DTD1: variants seen among roughly 807,000 people sequenced by gnomAD.
DTD1 encodes the protein D-aminoacyl-tRNA deacylase 1, also known as D-tyrosyl-tRNA deacylase 1 homolog.
A neutral mutation model predicts 25.6 loss-of-function variants in DTD1; 13 were observed. The observed-to-expected ratio is 0.51, with a 90% CI of 0.33 to 0.81. The LOEUF (loss-of-function observed/expected upper bound fraction) is 0.81. Ranked by LOEUF, DTD1 falls within the 30% of genes least tolerant of loss-of-function variation. The probability of loss-of-function intolerance (pLI) is 0.02; values close to 1 mark genes in which losing one functional copy is unlikely to be tolerated. For missense variants in DTD1, 193 were observed against 266.4 expected (o/e 0.72, Z 1.92); for synonymous variants, 110 against 103.6 (o/e 1.06, Z -0.37).
intron 3 of DTD1, among the ~76,000 whole-genome samples, chr20:18,606,862 G>A (rs1055125511): frequency 2.1e-4 from 31 of 149,428 alleles, no homozygotes; most frequent in Admixed American, 4.0e-4. Flanking sequence ...CACCAGCATG[G>A]CACATGTATA....
At chr20:18,755,848 T>G (rs1002680510) in intron 5 of DTD1, among the ~76,000 whole-genome samples, 1 of 152,130 alleles carries the variant, frequency 6.6e-6, no homozygotes, top group African/African-American at 2.4e-5. Context: ...ATCGCCACAC[T>G]GACTTCCACA....
intron 4 of DTD1, among the ~76,000 whole-genome samples, chr20:18,719,569 G>A (rs1254614454): frequency 2.6e-5 from 4 of 152,186 alleles, no homozygotes; most frequent in Non-Finnish European, 4.4e-5. Context: ...CGTTGTTTGT[G>A]GTTACCAGTG....
intron 4 of DTD1, among the ~76,000 whole-genome samples, chr20:18,671,551 G>C (rs1393857079): frequency 6.6e-6 from 1 of 152,148 alleles, no homozygotes; most frequent in Non-Finnish European, 1.5e-5. Context: ...GCTATTTATT[G>C]CATAAAGCAT....
At chr20:18,666,653 G>A (rs1415617163) in intron 4 of DTD1, among the ~76,000 whole-genome samples, 1 of 152,064 alleles carries the variant, frequency 6.6e-6, no homozygotes, top group Non-Finnish European at 1.5e-5. Flanking sequence ...TTGATTTTGA[G>A]TTTGATTTCA....
At chr20:18,629,166 T>A (rs2060772508) in intron 4 of DTD1, among the ~76,000 whole-genome samples, 1 of 151,698 alleles carries the variant, frequency 6.6e-6, no homozygotes, top group Admixed American at 6.6e-5. Context: ...CCTGCTAATT[T>A]TGTATTTTTA....
intron 5 of DTD1, among the ~76,000 whole-genome samples, chr20:18,758,207 CT>C (rs2061347233): frequency 6.6e-6 from 1 of 152,040 alleles, no homozygotes; most frequent in African/African-American, 2.4e-5. Flanking sequence ...TTTTGTTGAT[CT>C]TTTCAAAAAA....
chr20:18,588,940 T>G, intron 1 of DTD1: 1 of 892,432 alleles, frequency 1.1e-6, no homozygotes, highest in Non-Finnish European at 1.3e-6. Context: ...TTGTCTTTAG[T>G]CTTTTCTGTC....
intron 5 of DTD1, among the ~76,000 whole-genome samples, chr20:18,761,772 T>C (rs2061363998): frequency 6.6e-6 from 1 of 152,218 alleles, no homozygotes; most frequent in South Asian, 2.1e-4. Flanking sequence ...ATTTCAGTTA[T>C]TGGTATTGAA....
chr20:18,642,825 C>G (rs898943034), intron 4 of DTD1: 1 of 161,590 alleles, frequency 6.2e-6, no homozygotes, highest in African/African-American at 2.4e-5. Context: ...AACAGGTTCC[C>G]TTTTTCTCTG....
intron 5 of DTD1, among the ~76,000 whole-genome samples, chr20:18,758,867 G>T (rs2061349778): frequency 6.6e-6 from 1 of 152,080 alleles, no homozygotes; most frequent in Non-Finnish European, 1.5e-5. Flanking sequence ...GTTGACAGTG[G>T]GGTGTTAAAG....
At chr20:18,759,072 G>A (rs927632561) in intron 5 of DTD1, among the ~76,000 whole-genome samples, 2 of 151,624 alleles carry the variant, frequency 1.3e-5, no homozygotes, top group Admixed American at 1.3e-4. Context: ...GCCTTTTTTT[G>A]TTTTTTCATT....
intron 3 of DTD1, among the ~76,000 whole-genome samples, chr20:18,618,350 G>GT (rs1175379955): frequency 6.6e-6 from 1 of 150,602 alleles, no homozygotes; most frequent in Admixed American, 6.6e-5. Flanking sequence ...TTTTGTTTTT[G>GT]TTTTTTTGTT....
chr20:18,588,853 T>G, intron 1 of DTD1: 1 of 985,414 alleles, frequency 1.0e-6, no homozygotes, highest in African/African-American at 1.7e-5. Context: ...ATGATTAGTG[T>G]AGATAAAGTA....
chr20:18,694,616 G>A (rs1441501856), intron 4 of DTD1, among the ~76,000 whole-genome samples: 1 of 152,150 alleles, frequency 6.6e-6, no homozygotes, highest in Non-Finnish European at 1.5e-5. Flanking sequence ...GGCCTTTACT[G>A]GGAAAGGGAA....
chr20:18,596,041 A>G lies in DTD1; in HGVS notation c.170A>G (p.Asp57Gly). 6.2e-7 allele frequency: 1 copy of G among 1,613,812 alleles called. No homozygotes were observed. ...ATTCTAAACCTGCGTGTATTTGAGG[A>G]TGAGAGTGGGAAGCACTGGTCGAAG... The part of the protein sequence containing the change: ...RKILNLRVFE[D>G]ESGKHWSKSV... The change falls in exon 3 of 6, where the codon GAT (aspartate) becomes GGT (glycine). Residue 57 changes from aspartate to glycine, a missense_variant. Asp to Gly is a moderately conservative substitution (Grantham distance 94). Coordinates refer to ENST00000377452, the MANE Select transcript of DTD1 (RefSeq NM_080820.6).
At chr20:18,626,579 TGTGA>T (rs2060759331) in intron 3 of DTD1, among the ~76,000 whole-genome samples, 2 of 152,318 alleles carry the variant, frequency 1.3e-5, no homozygotes, top group African/African-American at 4.8e-5. Context: ...TATGCTTTTG[TGTGA>T]GTGTGTGTTT....
intron 4 of DTD1, among the ~76,000 whole-genome samples, chr20:18,693,571 C>T (rs1653473710): frequency 6.6e-6 from 1 of 151,434 alleles, no homozygotes; most frequent in South Asian, 2.1e-4. Flanking sequence ...ACATGAGAAT[C>T]GCTTGAACCC....
chr20:18,757,652 G>GTGCTGCT, intron 5 of DTD1, among the ~76,000 whole-genome samples: 1 of 152,306 alleles, frequency 6.6e-6, no homozygotes, highest in East Asian at 1.9e-4. Flanking sequence ...AGTTTTTGAT[G>GTGCTGCT]TGCTGCTGGA....
chr20:18,681,265 A>T (rs1232395865), intron 4 of DTD1, among the ~76,000 whole-genome samples: 1 of 152,190 alleles, frequency 6.6e-6, no homozygotes, highest in Non-Finnish European at 1.5e-5. Flanking sequence ...CTGTCTGTCC[A>T]TTTGGGACAC....
Sources: gnomAD v4.1 joint callset for allele counts (sites outside exome capture counted in the v4.1 genomes callset) on GRCh38, gnomAD v4.1.1 for gene constraint, MANE v1.5 for transcripts, NCBI Gene and HGNC (gene_info 2026-07-23, HGNC 2026-07-21) for gene names.